ELMOD2: variants seen among roughly 807,000 people sequenced by gnomAD.
The protein encoded by ELMOD2 is ELMO domain-containing protein 2.
ELMOD2 carries 28 observed loss-of-function variants against 41.0 expected under a neutral mutation model. That is an observed-to-expected ratio of 0.68 (90% confidence interval 0.51 to 0.94). The LOEUF is 0.94. Ranked by LOEUF, ELMOD2 falls within the 40% of genes least tolerant of loss-of-function variation. The pLI, the probability that ELMOD2 is intolerant of heterozygous loss-of-function variation, is 0.00. For missense variants in ELMOD2, 333 were observed against 343.1 expected, an observed-to-expected ratio of 0.97 and a Z score of 0.23; for synonymous variants, 106 against 107.2, an observed-to-expected ratio of 0.99 and a Z score of 0.07.
intron 8 of ELMOD2, among the ~76,000 whole-genome samples, chr4:140,545,247 C>G (rs1735237183): frequency 6.6e-6 from 1 of 152,070 alleles, no homozygotes; most frequent in Non-Finnish European, 1.5e-5. Context: ...ATTATCATGA[C>G]TTTTCTGATG....
rs1212886173 is a variant in ELMOD2, at chr4:140,551,121, C to T, written c.*746C>T. On this transcript the variant is annotated 3_prime_UTR_variant, in exon 9 of 9. Coordinates refer to ENST00000323570, the MANE Select transcript of ELMOD2 (RefSeq NM_153702.4). The stretch of plus-strand genomic sequence containing the variant: ...TTGTAGAAAAGAACCTTAGTGTTTT[C>T]TTCTCTACCTATGTATGCTTATGAA... 1 of 152,032 alleles carries T rather than the reference C, an allele frequency of 6.6e-6. No homozygotes were observed. Among genetic ancestry groups the T allele is most frequent in the African/African-American group, 2.4e-5 (1 of 41,412 alleles). 9.4% of individuals were successfully genotyped at this position (152,032 alleles called of 1,614,324 possible). A position where few individuals can be genotyped will look rare whatever the true frequency, so the allele number is the denominator to read the frequency against.
At position 140,543,458 on chromosome 4, in the gene ELMOD2, C is replaced by A; in HGVS notation, c.608C>A (p.Ser203Tyr). 6.3e-7 allele frequency: 1 copy of A among 1,592,904 alleles called. No homozygotes were observed. Among genetic ancestry groups the A allele is most frequent in the South Asian group, 1.2e-5 (1 of 86,028 alleles). ...SRSNHPKLGY[S>Y]YAIVGINLTE... Reference sequence around the variant, plus strand: ...TGGTAATGTTTCTGACATAGGTATTCTTATGCAATAGTTGGAATCAATCTT... The same window carrying A: ...TGGTAATGTTTCTGACATAGGTATTATTATGCAATAGTTGGAATCAATCTT... Residue 203 changes from serine to tyrosine, a missense_variant, in exon 8 of 9, where the codon TCT (serine) becomes TAT (tyrosine). By Grantham distance (144) the Ser-to-Tyr change is moderately radical. Transcript: ENST00000323570.
intron 4 of ELMOD2, 72 bp downstream of exon 4, chr4:140,535,902 T>C: frequency 1.5e-6 from 2 of 1,354,324 alleles, no homozygotes; most frequent in South Asian, 2.7e-5. Flanking sequence ...CACACACTGT[T>C]GTAACACTTT....
intron 6 of ELMOD2, among the ~76,000 whole-genome samples, chr4:140,541,845 T>C (rs1735114556): frequency 6.6e-6 from 1 of 152,078 alleles, no homozygotes; most frequent in South Asian, 2.1e-4. Context: ...AAGAGTTAAT[T>C]AGAAATTTCT....
chr4:140,532,169 T>TG (rs1165457340), intron 3 of ELMOD2, among the ~76,000 whole-genome samples: 8 of 150,716 alleles, frequency 5.3e-5, no homozygotes, highest in African/African-American at 1.7e-4. Flanking sequence ...TTGAGTTGTT[T>TG]TTTTTTTTTT....
At chr4:140,549,455 G>A (rs1316338968) in intron 8 of ELMOD2, among the ~76,000 whole-genome samples, 2 of 151,566 alleles carry the variant, frequency 1.3e-5, no homozygotes, top group Non-Finnish European at 2.9e-5. Context: ...GATATTGAAA[G>A]CCAAAAATAT....
intron 2 of ELMOD2, among the ~76,000 whole-genome samples, chr4:140,525,889 A>G (rs1048662374): frequency 1.3e-5 from 2 of 152,228 alleles, no homozygotes; most frequent in Non-Finnish European, 2.9e-5. Context: ...TTTCACTCAC[A>G]TGGTGGGAAG....
intron 3 of ELMOD2, among the ~76,000 whole-genome samples, chr4:140,529,627 A>T (rs1405055986): frequency 6.6e-6 from 1 of 152,176 alleles, no homozygotes; most frequent in Non-Finnish European, 1.5e-5. Context: ...CATCACCACT[A>T]TGCTGCCTGT....
chr4:140,551,640 C>G lies in ELMOD2; in HGVS notation c.*1265C>G, dbSNP rs1348775728. 6.6e-6 allele frequency: 1 copy of G among 152,046 alleles called. No homozygotes were observed. Among genetic ancestry groups the G allele is most frequent in the Non-Finnish European group, 1.5e-5 (1 of 67,958 alleles). 9.4% of individuals were successfully genotyped at this position (152,046 alleles called of 1,614,324 possible). A position where few individuals can be genotyped will look rare whatever the true frequency, so the allele number is the denominator to read the frequency against. On this transcript the variant is annotated 3_prime_UTR_variant, in exon 9 of 9. Coordinates refer to ENST00000323570, the MANE Select transcript of ELMOD2 (RefSeq NM_153702.4). ...AAGTTCTCCTTAAATCCTACAGAAA[C>G]CAACCTTTTAAGGACATAATTTCAT... is the stretch of plus-strand genomic sequence containing the variant.
Position 140,550,256 on chromosome 4 carries a change from T to G in ELMOD2, c.763T>G (p.Phe255Val). ...TTATCTTGTCTATGAATTTGACAAG[T>G]TTTGGTTTGAAGAAGAACCAGAAAG... ...YCYLVYEFDK[F>V]WFEEEPESIM... Residue 255 changes from phenylalanine to valine, a missense_variant, in exon 9 of 9, where the codon TTT (phenylalanine) becomes GTT (valine). Transcript: ENST00000323570. 6.2e-7 allele frequency: 1 copy of G among 1,610,422 alleles called. No individual in the cohort carries two copies. The highest frequency in any genetic ancestry group is 8.5e-7 in the Non-Finnish European group (1 of 1,178,264).
chr4:140,547,294 A>G (rs1735320545), intron 8 of ELMOD2, among the ~76,000 whole-genome samples: 1 of 152,084 alleles, frequency 6.6e-6, no homozygotes. Flanking sequence ...CTTTGTTTTA[A>G]TGCGTCCTGT....
In ELMOD2 at chr4:140,553,131, C is replaced by T. The variant is rs967361230; in HGVS notation, c.*2756C>T. The stretch of plus-strand genomic sequence containing the variant: ...CCAGTACTATAATTGCTCATGCACT[C>T]TTTCTCCCCTTTGAGAACATTCAGT... On this transcript the variant is annotated 3_prime_UTR_variant, in exon 9 of 9. Coordinates refer to ENST00000323570, the MANE Select transcript of ELMOD2 (RefSeq NM_153702.4). 11 of 152,106 alleles carry T rather than the reference C, an allele frequency of 7.2e-5. No homozygotes were observed. The highest frequency in any genetic ancestry group is 2.7e-4 in the African/African-American group (11 of 41,430). 9.4% of individuals were successfully genotyped at this position (152,106 alleles called of 1,614,324 possible).
rs144312000 is a variant in ELMOD2 at position 140,524,482 on chromosome 4, A to G, written c.-10+202A>G. ...AGACGCCCAGAGCCCTGGGGTGCTC[A>G]GGCGCCGCTACGCGTGCATCCCCTC... On this transcript the variant is annotated intron_variant, in intron 1 of 8. Coordinates refer to ENST00000323570, the MANE Select transcript of ELMOD2 (RefSeq NM_153702.4). 1.7e-4 allele frequency: 91 copies of G among 550,538 alleles called. No homozygotes were observed. In the East Asian group the frequency reaches 9.3e-3, roughly 56 times the overall value. The allele number at this position is 550,538 out of a possible 1,614,324, so 34.1% of individuals were successfully genotyped here. A position where few individuals can be genotyped will look rare whatever the true frequency, so the allele number is the denominator to read the frequency against.
Position 140,538,325 on chromosome 4 carries a change from G to A in ELMOD2, c.399+784G>A, listed in dbSNP as rs189185576. Among the ~76,000 whole-genome samples the A allele has an allele frequency of 3.9e-5, 6 of 152,240 alleles. No homozygotes were observed. In the East Asian group the frequency reaches 7.7e-4, roughly 20 times the overall value. ...TTTTAAAATCGTTAAAGAAAATAGC[G>A]CATTGCAGTTGGAATTAGGAGTTCT... is the stretch of plus-strand genomic sequence containing the variant. On this transcript the variant is annotated intron_variant, in intron 5 of 8. Coordinates refer to ENST00000323570, the MANE Select transcript of ELMOD2 (RefSeq NM_153702.4).
Position 140,535,888 on chromosome 4 carries a change from A to C in ELMOD2, c.269+58A>C. On this transcript the variant is annotated intron_variant, in intron 4 of 8. Coordinates refer to ENST00000323570, the MANE Select transcript of ELMOD2 (RefSeq NM_153702.4). ...TGCATTTATAGCCTGTGAGGTATCA[A>C]TATCACACACTGTTGTAACACTTTA... 2.1e-6 allele frequency: 3 copies of C among 1,451,184 alleles called. No homozygotes were observed. In the African/African-American group the frequency reaches 4.3e-5, roughly 21 times the overall value. 89.9% of individuals were successfully genotyped at this position (1,451,184 alleles called of 1,614,324 possible). A position where few individuals can be genotyped will look rare whatever the true frequency, so the allele number is the denominator to read the frequency against.
In ELMOD2 at chr4:140,525,473, A is replaced by AT. The variant is rs749007094; in HGVS notation, c.49dup (p.Trp17LeufsTer14). 6.2e-7 allele frequency: 1 copy of AT among 1,613,474 alleles called. No homozygotes were observed. The highest frequency in any genetic ancestry group is 8.5e-7 in the Non-Finnish European group (1 of 1,179,774). ...AGTTCTTCTATGGGCACTTTTTTCG[A>AT]TTTTGGATGAAATGGCTATTACGAC... On this transcript the variant is annotated frameshift_variant, in exon 2 of 9. Coordinates refer to ENST00000323570, the MANE Select transcript of ELMOD2 (RefSeq NM_153702.4). LOFTEE classifies it high-confidence loss of function.
chr4:140,552,433 A>G lies in ELMOD2; in HGVS notation c.*2058A>G, dbSNP rs572770994. 8 of 152,064 alleles carry G rather than the reference A, an allele frequency of 5.3e-5. No homozygotes were observed. Among genetic ancestry groups the G allele is most frequent in the Non-Finnish European group, 1.2e-4 (8 of 67,930 alleles). The allele number at this position is 152,064 out of a possible 1,614,324, so 9.4% of individuals were successfully genotyped here. ...AAAATAATCTGCAACCATTTCAGATAGTTTTACAGCAAATTGATCTAAAAG... is the reference window on the plus strand; with the variant it reads ...AAAATAATCTGCAACCATTTCAGATGGTTTTACAGCAAATTGATCTAAAAG... On this transcript the variant is annotated 3_prime_UTR_variant, in exon 9 of 9. Transcript: ENST00000323570.
chr4:140,553,443 G>A lies in ELMOD2; in HGVS notation c.*3068G>A, dbSNP rs984946256. 5.3e-5 allele frequency: 8 copies of A among 152,082 alleles called. No homozygotes were observed. The highest frequency in any genetic ancestry group is 1.9e-4 in the African/African-American group (8 of 41,426). The allele number at this position is 152,082 out of a possible 1,614,324, so 9.4% of individuals were successfully genotyped here. On this transcript the variant is annotated 3_prime_UTR_variant, in exon 9 of 9. Coordinates refer to ENST00000323570, the MANE Select transcript of ELMOD2 (RefSeq NM_153702.4). ...CTCTACAAAAGCAATTTTTAATGAA[G>A]GTTAGTGGAATTGTTAAAAATCTGA...
At chr4:140,540,563 G>C (rs1265158713) in intron 6 of ELMOD2, among the ~76,000 whole-genome samples, 1 of 152,058 alleles carries the variant, frequency 6.6e-6, no homozygotes, top group Non-Finnish European at 1.5e-5. Flanking sequence ...AGACCAATCT[G>C]AGCAATATAG....
Sources: gnomAD v4.1 joint callset for allele counts (sites outside exome capture counted in the v4.1 genomes callset) on GRCh38, gnomAD v4.1.1 for gene constraint, MANE v1.5 for transcripts, NCBI Gene and HGNC (gene_info 2026-07-23, HGNC 2026-07-21) for gene names.